SLC12A5: variants seen among roughly 807,000 people sequenced by gnomAD.
The protein encoded by SLC12A5 is K-Cl cotransporter 2.
SLC12A5 carries 18 observed loss-of-function variants against 124.0 expected under a neutral mutation model. The ratio of observed to expected loss-of-function variants is 0.15; its 90% CI spans 0.10 to 0.22. SLC12A5 has a LOEUF of 0.22. Among genes scored for constraint, SLC12A5 ranks in the 10% least tolerant of loss-of-function variants. The probability of loss-of-function intolerance (pLI) is 1.00; values close to 1 mark genes in which losing one functional copy is unlikely to be tolerated. For missense variants in SLC12A5, 867 were observed against 1,478.7 expected, an observed-to-expected ratio of 0.59 and a Z score of 6.78; for synonymous variants, 589 against 568.0, an observed-to-expected ratio of 1.04 and a Z score of -0.53.
chr20:46,023,366 C>T, intron 2 of SLC12A5: 1 of 398,478 alleles, frequency 2.5e-6, no homozygotes. Flanking sequence ...TTTTTCTTTC[C>T]AGCAAATCCA....
chr20:46,048,296 A>G (rs1448580746), intron 16 of SLC12A5, among the ~76,000 whole-genome samples: 3 of 152,196 alleles, frequency 2.0e-5, no homozygotes, highest in African/African-American at 7.2e-5. Context: ...GTAAATGTCC[A>G]CATACCCCAC....
chr20:46,058,477 G>T lies in SLC12A5; in HGVS notation c.*872G>T, dbSNP rs2084717683. On this transcript the variant is annotated 3_prime_UTR_variant, in exon 26 of 26. Transcript: ENST00000243964. This position sits in a 1 kb window ranked among gnomAD's most constrained non-coding sequence, Gnocchi z 5.8. ...GCGGACGTGAGCTTCCACTGCGGCT[G>T]CAGAGACGCGAGCAACCTCTTCTCA... is the stretch of plus-strand genomic sequence containing the variant. 2.5e-6 allele frequency: 1 copy of T among 399,280 alleles called. No homozygotes were observed. Among genetic ancestry groups the T allele is most frequent in the East Asian group, 3.6e-5 (1 of 28,062 alleles). The allele number at this position is 399,280 out of a possible 1,614,324, so 24.7% of individuals were successfully genotyped here.
intron 1 of SLC12A5, among the ~76,000 whole-genome samples, chr20:46,031,858 C>T (rs1815055740): frequency 6.6e-6 from 1 of 152,242 alleles, no homozygotes; most frequent in African/African-American, 2.4e-5. Flanking sequence ...CTCCCGCCAT[C>T]ACCCTTACTC....
At chr20:46,043,434 CG>C in intron 9 of SLC12A5, 111 bp downstream of exon 9, 1 of 1,374,736 alleles carries the variant, frequency 7.3e-7, no homozygotes, top group Non-Finnish European at 1.0e-6. Context: ...TGAAAGCAAC[CG>C]TAACATTTCA....
Position 46,037,240 on chromosome 20 carries a change from A to G in SLC12A5, c.482-15A>G. On this transcript the variant is annotated splice_polypyrimidine_tract_variant and intron_variant, in intron 5 of 25. Coordinates refer to ENST00000243964, the MANE Select transcript of SLC12A5 (RefSeq NM_020708.5). ...TGCCCCCGACCCTCTCGCTGATACC[A>G]GATTCTCCCTGCAGCTGGTGGCTCC... 1 of 1,588,416 alleles carries G rather than the reference A, an allele frequency of 6.3e-7. No homozygotes were observed. Among genetic ancestry groups the G allele is most frequent in the Non-Finnish European group, 8.6e-7 (1 of 1,166,272 alleles).
chr20:46,028,466 G>T (rs567665180), upstream of SLC12A5, among the ~76,000 whole-genome samples: 1 of 152,098 alleles, frequency 6.6e-6, no homozygotes, highest in African/African-American at 2.4e-5. Context: ...GACTTGTCTT[G>T]GGGGTGGGAC....
chr20:46,036,675 T>C lies in SLC12A5; in HGVS notation c.427-66T>C. The C allele has an allele frequency of 3.8e-6, 6 of 1,581,100 alleles. No homozygotes were observed. In the South Asian group the frequency reaches 6.7e-5, roughly 18 times the overall value. ...GCTGGTGTTTATGGGGTATAAGGCT[T>C]GGCCCCCACCCAGGCCACTGCGGCC... On this transcript the variant is annotated intron_variant, in intron 4 of 25. Transcript: ENST00000243964.
intron 9 of SLC12A5, 133 bp downstream of exon 9, chr20:46,043,456 G>A: frequency 1.6e-6 from 2 of 1,290,050 alleles, no homozygotes; most frequent in South Asian, 2.7e-5. Context: ...CTTCCCATTG[G>A]AGAGATGAGG....
chr20:46,053,031 C>T lies in SLC12A5; in HGVS notation c.2452C>T (p.Pro818Ser). 4 of 1,614,160 alleles carry T rather than the reference C, an allele frequency of 2.5e-6. No individual in the cohort carries two copies. Among genetic ancestry groups the T allele is most frequent in the East Asian group, 2.2e-5 (1 of 44,876 alleles). The change falls in exon 19 of 26, where the codon CCT becomes TCT. Residue 818 changes from proline (P) to serine (S), a missense_variant. Transcript: ENST00000243964. This position sits in a 1 kb window ranked among gnomAD's most constrained non-coding sequence, Gnocchi z 4.7. ...TKNVSMFPGNPERFSEGSIDV... is the reference protein window; with the variant it reads ...TKNVSMFPGNSERFSEGSIDV... ...GAACGTTTCCATGTTTCCTGGGAAC[C>T]CTGAGCGCTTCTCTGAGGGCAGCAT...
At position 46,056,037 on chromosome 20, in the gene SLC12A5, G is replaced by A; in HGVS notation, c.2788-113G>A. The A allele has an allele frequency of 7.0e-7, 1 of 1,431,468 alleles. No individual in the cohort carries two copies. Among genetic ancestry groups the A allele is most frequent in the Non-Finnish European group, 9.5e-7 (1 of 1,057,224 alleles). 88.7% of individuals were successfully genotyped at this position (1,431,468 alleles called of 1,614,324 possible). The stretch of plus-strand genomic sequence containing the variant: ...AAATCATAGCAATATTTTAACAACT[G>A]GTACAGTTCCAGAAAGTGCATCCTG... On this transcript the variant is annotated intron_variant, in intron 21 of 25. Transcript: ENST00000243964. This position sits in a 1 kb window ranked among gnomAD's most constrained non-coding sequence, Gnocchi z 4.3.
chr20:46,028,132 G>A (rs1175369078), upstream of SLC12A5, among the ~76,000 whole-genome samples: 2 of 152,214 alleles, frequency 1.3e-5, no homozygotes, highest in African/African-American at 4.8e-5. Flanking sequence ...CAAGCTTCTG[G>A]GGGATTGGCC....
chr20:46,021,993 G>A, intron 1 of SLC12A5: 1 of 1,276,172 alleles, frequency 7.8e-7, no homozygotes. Context: ...GGGGCGGGGA[G>A]GGGTCCCAGC....
intron 10 of SLC12A5, 36 bp from the exon 11 acceptor site, chr20:46,043,840 T>G: frequency 1.2e-6 from 2 of 1,613,840 alleles, no homozygotes; most frequent in South Asian, 2.2e-5. Context: ...GGGGGAGGAC[T>G]GAACCGTGGG....
At chr20:46,051,920 T>C (rs1343807024) in intron 18 of SLC12A5, 50 bp downstream of exon 18, 1 of 1,344,720 alleles carries the variant, frequency 7.4e-7, no homozygotes. Context: ...CTGGGGGCTG[T>C]AGAGGGGTGG....
intron 14 of SLC12A5, 25 bp downstream of exon 14, chr20:46,046,461 C>T (rs750859857): frequency 4.3e-5 from 68 of 1,597,460 alleles, no homozygotes; most frequent in Admixed American, 8.3e-5. Flanking sequence ...CCCACACTTC[C>T]ACTGAGCCAC....
chr20:46,041,464 C>T lies in SLC12A5; in HGVS notation c.990C>T (p.Thr330=). 1 of 1,614,172 alleles carries T rather than the reference C, an allele frequency of 6.2e-7. No individual in the cohort carries two copies. The highest frequency in any genetic ancestry group is 8.5e-7 in the Non-Finnish European group (1 of 1,180,036). The change falls in exon 8 of 26, where the codon ACC becomes ACT. Residue 330 remains threonine, a synonymous_variant. Transcript: ENST00000243964. ...GCTCCTCTCGCTTCCTCAACGCCAC[C>T]TGTGATGAATACTTCACCCGAAACA... ...LFCSSRFLNA[T]CDEYFTRNNV...
In SLC12A5 at chr20:46,056,906, G is replaced by A. The variant is rs761882854; in HGVS notation, c.3120G>A (p.Glu1040=). The A allele has an allele frequency of 2.5e-6, 4 of 1,614,100 alleles. No homozygotes were observed. Among genetic ancestry groups the A allele is most frequent in the Non-Finnish European group, 3.4e-6 (4 of 1,179,960 alleles). The change falls in exon 24 of 26, where the codon GAG becomes GAA. Residue 1040 remains glutamate, a synonymous_variant. Transcript: ENST00000243964. This position sits in a 1 kb window ranked among gnomAD's most constrained non-coding sequence, Gnocchi z 4.3. ...CTTGTGTTTCCTGAAGGGAGTGGGA[G>A]AACTTGTAAGTGCTTCAGCATTTTT... is the stretch of plus-strand genomic sequence containing the variant. The part of the protein sequence containing the change: ...KDFFSMKPEW[E]NLNQSNVRRM...
intron 21 of SLC12A5, chr20:46,055,700 T>C (rs936707061): frequency 1.7e-5 from 3 of 173,860 alleles, no homozygotes; most frequent in Non-Finnish European, 3.7e-5. Context: ...ACCATGGGTT[T>C]TGAGTCTCCC....
At chr20:46,054,601 T>A (rs1452306702) in intron 20 of SLC12A5, among the ~76,000 whole-genome samples, 2 of 152,256 alleles carry the variant, frequency 1.3e-5, no homozygotes, top group East Asian at 3.8e-4. Context: ...TTTGTTCTTT[T>A]TCTTCTTTCC....
Sources: gnomAD v4.1 joint callset for allele counts (sites outside exome capture counted in the v4.1 genomes callset) on GRCh38, gnomAD v4.1.1 for gene constraint, Gnocchi (gnomAD v3.1) non-coding constraint, MANE v1.5 for transcripts, NCBI Gene and HGNC (gene_info 2026-07-23, HGNC 2026-07-21) for gene names.